Variants in CEP162 observed in about 807,000 individuals in gnomAD.
CEP162 encodes the protein centrosomal protein 162.
In CEP162, 141 loss-of-function variants were observed where a neutral mutation model predicts 169.2. That is an observed-to-expected ratio of 0.83 (90% CI 0.73 to 0.96). The LOEUF (loss-of-function observed/expected upper bound fraction) is 0.96, where lower values mean the gene tolerates loss of function less well. CEP162 is among the 40% of genes least tolerant of loss of function. CEP162 has a pLI of 0.00. For synonymous variants in CEP162, 540 were observed against 526.4 expected (o/e 1.03, Z -0.35); for missense variants, 1,600 against 1,587.2 (o/e 1.01, Z -0.14).
chr6:84,179,341 A>C (rs1253128008), intron 13 of CEP162, among the ~76,000 whole-genome samples: 1 of 152,136 alleles, frequency 6.6e-6, no homozygotes, highest in African/African-American at 2.4e-5. Context: ...TGACTTTTTA[A>C]TGATCGCCAT....
intron 11 of CEP162, among the ~76,000 whole-genome samples, chr6:84,189,830 T>A (rs2099538993): frequency 6.6e-6 from 1 of 152,252 alleles, no homozygotes; most frequent in African/African-American, 2.4e-5. Flanking sequence ...CCAGCTGGGC[T>A]CCTGAGTCTG....
intron 13 of CEP162, among the ~76,000 whole-genome samples, chr6:84,182,146 CTCT>C (rs2099535146): frequency 6.6e-5 from 10 of 152,112 alleles, no homozygotes; most frequent in African/African-American, 2.2e-4. Context: ...ACATCTGCCT[CTCT>C]ACTTCCGTCC....
chr6:84,176,167 A>T (rs1407403920), intron 13 of CEP162, among the ~76,000 whole-genome samples: 1 of 134,688 alleles, frequency 7.4e-6, no homozygotes, highest in Non-Finnish European at 1.5e-5. Flanking sequence ...AATTTTTAAA[A>T]ATTTATTCAA....
intron 11 of CEP162, among the ~76,000 whole-genome samples, chr6:84,187,184 G>T (rs1311454908): frequency 6.6e-6 from 1 of 152,004 alleles, no homozygotes; most frequent in African/African-American, 2.4e-5. Flanking sequence ...CATTTCTGTG[G>T]TTTAAAACAC....
intron 25 of CEP162, among the ~76,000 whole-genome samples, chr6:84,145,716 C>T (rs528013783): frequency 2.7e-4 from 41 of 152,210 alleles, no homozygotes; most frequent in African/African-American, 9.6e-4. Context: ...TCTTAATAAG[C>T]TGAAGCTGAA....
chr6:84,134,807 TC>T (rs1027748871), intron 25 of CEP162, among the ~76,000 whole-genome samples: 1 of 151,314 alleles, frequency 6.6e-6, no homozygotes, highest in African/African-American at 2.4e-5. Context: ...CTTGCCAGCC[TC>T]CCCCCCACAG....
intron 21 of CEP162, among the ~76,000 whole-genome samples, chr6:84,156,768 A>G (rs1044911169): frequency 1.3e-5 from 2 of 151,962 alleles, no homozygotes; most frequent in African/African-American, 2.4e-5. Flanking sequence ...ACACACACAC[A>G]CACAAACACA....
chr6:84,216,810 G>A (rs2099551738), intron 3 of CEP162, among the ~76,000 whole-genome samples: 1 of 152,124 alleles, frequency 6.6e-6, no homozygotes, highest in African/African-American at 2.4e-5. Context: ...AGAGAATATT[G>A]ATGAAAAATG....
intron 25 of CEP162, among the ~76,000 whole-genome samples, chr6:84,131,642 A>T (rs2129184994): frequency 6.6e-6 from 1 of 151,224 alleles, no homozygotes; most frequent in East Asian, 1.9e-4. Flanking sequence ...CTTTTTTATC[A>T]GAGACTAGGA....
intron 7 of CEP162, among the ~76,000 whole-genome samples, chr6:84,202,628 A>G (rs1182095345): frequency 7.0e-6 from 1 of 142,212 alleles, no homozygotes; most frequent in Admixed American, 7.6e-5. Context: ...CTGGGGTTCG[A>G]GCAATTCTCC....
chr6:84,220,918 G>C (rs1007517328), intron 3 of CEP162, 139 bp downstream of exon 3: 2 of 507,120 alleles, frequency 3.9e-6, no homozygotes, highest in Non-Finnish European at 7.0e-6. Context: ...CTGGTTATAT[G>C]AAAATCAATT....
chr6:84,193,339 G>C (rs572706029), intron 11 of CEP162, among the ~76,000 whole-genome samples: 1 of 152,248 alleles, frequency 6.6e-6, no homozygotes, highest in Admixed American at 6.5e-5. Flanking sequence ...AACTGTTCCG[G>C]CACTATTTAA....
At chr6:84,168,166 C>T (rs1315331376) in intron 18 of CEP162, among the ~76,000 whole-genome samples, 1 of 152,100 alleles carries the variant, frequency 6.6e-6, no homozygotes, top group Non-Finnish European at 1.5e-5. Flanking sequence ...AATGCTAATG[C>T]TATGCTTGAA....
chr6:84,155,541 C>T (rs1209724603), intron 21 of CEP162, 31 bp from the exon 22 acceptor site: 1 of 1,416,772 alleles, frequency 7.1e-7, no homozygotes, highest in Non-Finnish European at 9.8e-7. Context: ...CCAAAGAACA[C>T]TTAGATTTAA....
At chr6:84,223,452 T>C (rs573994276) in intron 2 of CEP162, among the ~76,000 whole-genome samples, 24 of 151,526 alleles carry the variant, frequency 1.6e-4, no homozygotes, top group Middle Eastern at 3.4e-3. Flanking sequence ...TGAGCCAAGA[T>C]TGCGTCACTG....
chr6:84,145,307 A>G (rs1203656814), intron 25 of CEP162, among the ~76,000 whole-genome samples: 1 of 152,140 alleles, frequency 6.6e-6, no homozygotes, highest in Non-Finnish European at 1.5e-5. Context: ...GGAGATGCCA[A>G]TAAAGGGCCA....
rs993277672 is a variant in CEP162, at chr6:84,195,074, A to T, written c.837T>A (p.Gly279=). The T allele has an allele frequency of 1.3e-6, 2 of 1,563,336 alleles. No homozygotes were observed. The highest frequency in any genetic ancestry group is 1.7e-6 in the Non-Finnish European group (2 of 1,158,722). The part of the protein sequence containing the change: ...EMTENEMTGT[G]VSYGQSSSDV... ...CACTACTGCTTTGTCCATAAGAAAC[A>T]CCTGTTGAAATAAACGTAATCACCA... The change falls in exon 10 of 27, where the codon GGT becomes GGA. Residue 279 remains glycine (G), a splice_region_variant and synonymous_variant. Coordinates refer to ENST00000403245, the MANE Select transcript of CEP162 (RefSeq NM_014895.4).
At chr6:84,141,083 G>A (rs1223120809) in intron 25 of CEP162, among the ~76,000 whole-genome samples, 3 of 151,908 alleles carry the variant, frequency 2.0e-5, no homozygotes, top group Non-Finnish European at 2.9e-5. Context: ...GACAGGAGGC[G>A]GAGATCAGGC....
chr6:84,193,528 A>G, intron 11 of CEP162, 81 bp downstream of exon 11: 1 of 767,366 alleles, frequency 1.3e-6, no homozygotes, highest in Non-Finnish European at 2.1e-6. Flanking sequence ...ATTAGTCATT[A>G]ATCATTCACT....
Sources: gnomAD v4.1 joint callset for allele counts (sites outside exome capture counted in the v4.1 genomes callset) on GRCh38, gnomAD v4.1.1 for gene constraint, MANE v1.5 for transcripts, NCBI Gene and HGNC (gene_info 2026-07-23, HGNC 2026-07-21) for gene names.